Variants in KIF26B observed in about 807,000 individuals in gnomAD.
KIF26B encodes kinesin-like protein KIF26B.
A neutral mutation model predicts 151.2 loss-of-function variants in KIF26B; 63 were observed. The observed-to-expected ratio is 0.42, with a 90% CI of 0.34 to 0.51. The LOEUF (loss-of-function observed/expected upper bound fraction) is 0.51. Among genes scored for constraint, KIF26B ranks in the 20% least tolerant of loss-of-function variants. The pLI is 0.07. For missense variants in KIF26B, 2,813 were observed against 2,913.6 expected (o/e 0.97, Z 0.79); for synonymous variants, 1,357 against 1,262.1 (o/e 1.08, Z -1.59).
intron 4 of KIF26B, among the ~76,000 whole-genome samples, chr1:245,475,998 G>A (rs754193112): frequency 1.1e-4 from 16 of 151,852 alleles, no homozygotes. Context: ...CAAAATGGAG[G>A]AAGTAACCCA....
At chr1:245,265,901 C>T (rs1670737572) in intron 2 of KIF26B, among the ~76,000 whole-genome samples, 1 of 152,054 alleles carries the variant, frequency 6.6e-6, no homozygotes, top group South Asian at 2.1e-4. Context: ...AGCCACCCTG[C>T]CCGACCCAAG....
chr1:245,568,842 A>G (rs1255887677), intron 5 of KIF26B, among the ~76,000 whole-genome samples: 1 of 152,208 alleles, frequency 6.6e-6, no homozygotes. Flanking sequence ...TTAAAGCTTC[A>G]TCTAAGCTAT....
intron 4 of KIF26B, among the ~76,000 whole-genome samples, chr1:245,485,893 G>A (rs1196979333): frequency 1.3e-5 from 2 of 152,204 alleles, no homozygotes; most frequent in Non-Finnish European, 1.5e-5. Flanking sequence ...AAGGAGTTAA[G>A]ATTCCTTACT....
intron 2 of KIF26B, among the ~76,000 whole-genome samples, chr1:245,157,314 C>A (rs1478295870): frequency 6.6e-6 from 1 of 152,046 alleles, no homozygotes; most frequent in African/African-American, 2.4e-5. Flanking sequence ...GTGACTGGCC[C>A]GAGCCCCCAG....
At chr1:245,304,833 G>A (rs1316108133) in intron 2 of KIF26B, among the ~76,000 whole-genome samples, 2 of 151,876 alleles carry the variant, frequency 1.3e-5, no homozygotes, top group African/African-American at 4.8e-5. Flanking sequence ...TTGCACCACT[G>A]GACTCCAGAC....
chr1:245,587,009 G>A (rs537000769), intron 5 of KIF26B, among the ~76,000 whole-genome samples: 4 of 152,192 alleles, frequency 2.6e-5, no homozygotes, highest in African/African-American at 9.6e-5. Context: ...CTTCTCTCAG[G>A]TGGAGGCATG....
intron 4 of KIF26B, among the ~76,000 whole-genome samples, chr1:245,538,908 T>C (rs902561806): frequency 5.9e-5 from 9 of 152,104 alleles, no homozygotes; most frequent in African/African-American, 2.2e-4. Context: ...TCACTGTTCA[T>C]TTAGGGAGAG....
chr1:245,565,229 G>T (rs1426074207), intron 5 of KIF26B, among the ~76,000 whole-genome samples: 2 of 152,060 alleles, frequency 1.3e-5, no homozygotes, highest in African/African-American at 2.4e-5. Context: ...GCTATTGGTG[G>T]GCCCTCAGAG....
chr1:245,365,249 A>C (rs1416607369), intron 2 of KIF26B, among the ~76,000 whole-genome samples: 2 of 152,162 alleles, frequency 1.3e-5, no homozygotes, highest in Non-Finnish European at 2.9e-5. Context: ...TCACTTCCTC[A>C]ACCAGACTCG....
chr1:245,341,231 T>A (rs1672325780), intron 2 of KIF26B, among the ~76,000 whole-genome samples: 1 of 150,930 alleles, frequency 6.6e-6, no homozygotes, highest in Admixed American at 6.6e-5. Context: ...TAAAGGGAAG[T>A]CTTCTTCAGT....
intron 4 of KIF26B, among the ~76,000 whole-genome samples, chr1:245,531,881 G>A (rs1478995348): frequency 1.3e-5 from 2 of 152,148 alleles, no homozygotes; most frequent in Admixed American, 6.5e-5. Context: ...AGGATCACTC[G>A]AGGCGAGGAG....
intron 4 of KIF26B, among the ~76,000 whole-genome samples, chr1:245,520,554 A>G (rs1661071875): frequency 6.7e-6 from 1 of 150,102 alleles, no homozygotes; most frequent in African/African-American, 2.4e-5. Context: ...CCATTCATCC[A>G]TCCATCCACC....
intron 2 of KIF26B, among the ~76,000 whole-genome samples, chr1:245,280,613 T>G (rs919849040): frequency 5.4e-5 from 8 of 148,086 alleles, no homozygotes; most frequent in African/African-American, 1.7e-4. Flanking sequence ...TTTTTTTTTT[T>G]TTTTTTATAC....
In KIF26B at chr1:245,542,371, G is replaced by C. The variant is rs116165212; in HGVS notation, c.1350+1421G>C. Among the ~76,000 whole-genome samples the C allele has an allele frequency of 4.4e-3, 674 of 152,340 alleles. 2 individuals carry two copies. Among genetic ancestry groups the C allele is most frequent in the African/African-American group, 0.015 (627 of 41,576 alleles). On this transcript the variant is annotated intron_variant, in intron 5 of 14. Transcript: ENST00000407071. ...ATTTTTTGAAAACTTACATTGAACA[G>C]AGCAGTGCCTCCTCTGAGGGGAAGC...
At chr1:245,699,808 G>GC (rs1407898488) in intron 14 of KIF26B, among the ~76,000 whole-genome samples, 6 of 152,126 alleles carry the variant, frequency 3.9e-5, no homozygotes, top group Non-Finnish European at 8.8e-5. Flanking sequence ...CCTTTGTACA[G>GC]CCCCTCCCCT....
At chr1:245,487,028 G>A (rs1660296564) in intron 4 of KIF26B, among the ~76,000 whole-genome samples, 1 of 152,162 alleles carries the variant, frequency 6.6e-6, no homozygotes, top group Non-Finnish European at 1.5e-5. Context: ...CACAAGGGGT[G>A]GCTCCCAATA....
chr1:245,557,074 C>A (rs1662057386), intron 5 of KIF26B, among the ~76,000 whole-genome samples: 1 of 152,212 alleles, frequency 6.6e-6, no homozygotes, highest in Non-Finnish European at 1.5e-5. Flanking sequence ...GGAACACTCA[C>A]CTAACACCTC....
Position 245,703,242 on chromosome 1 carries a change from G to GTCTT in KIF26B, c.*638_*641dup, listed in dbSNP as rs2044797437. 1 of 152,616 alleles carries GTCTT rather than the reference G, an allele frequency of 6.6e-6. No individual in the cohort carries two copies. The highest frequency in any genetic ancestry group is 2.4e-5 in the African/African-American group (1 of 41,448). 9.5% of individuals were successfully genotyped at this position (152,616 alleles called of 1,614,324 possible). On this transcript the variant is annotated 3_prime_UTR_variant, in exon 15 of 15. Transcript: ENST00000407071. ...TATTGCTTATGAATAAATATTACCT[G>GTCTT]TCTTTTATGGTTATTCTGGTGAGGC...
rs561358073 is a variant in KIF26B at position 245,522,050 on chromosome 1, T to C, written c.1167-18717T>C. ...ATGCCCGGCTAATTTTTTGTATTTT[T>C]AGTAGAGACGGGGTTTCACCGTGTT... On this transcript the variant is annotated intron_variant, in intron 4 of 14. Transcript: ENST00000407071. Among the ~76,000 whole-genome samples the C allele has an allele frequency of 2.6e-5, 4 of 152,184 alleles. No homozygotes were observed. In the East Asian group the frequency reaches 5.8e-4, roughly 22 times the overall value.
Sources: allele counts gnomAD v4.1 joint callset (sites outside exome capture counted in the v4.1 genomes callset), GRCh38; gene constraint gnomAD v4.1.1; transcripts MANE v1.5; gene names NCBI Gene and HGNC (gene_info 2026-07-23, HGNC 2026-07-21).